CGNL1: variants seen among roughly 807,000 people sequenced by gnomAD.
The protein encoded by CGNL1 is cingulin like 1.
A neutral mutation model predicts 141.2 loss-of-function variants in CGNL1; 132 were observed. That is an observed-to-expected ratio of 0.93 (90% CI 0.81 to 1.08). CGNL1 has a LOEUF of 1.08. Among genes scored for constraint, CGNL1 ranks in the 50% least tolerant of loss-of-function variants. The pLI is 0.00. For synonymous variants in CGNL1, 690 were observed against 622.1 expected, an observed-to-expected ratio of 1.11 and a Z score of -1.63; for missense variants, 1,870 against 1,588.6, an observed-to-expected ratio of 1.18 and a Z score of -3.01.
chr15:57,445,367 C>T (rs1467459317), intron 4 of CGNL1, among the ~76,000 whole-genome samples: 5 of 152,192 alleles, frequency 3.3e-5, no homozygotes, highest in South Asian at 2.1e-4. Flanking sequence ...TTAATTGCCA[C>T]GTTTTCCTAC....
chr15:57,528,633 C>T, intron 12 of CGNL1, 21 bp from the exon 13 acceptor site: 4 of 1,613,110 alleles, frequency 2.5e-6, no homozygotes, highest in Non-Finnish European at 3.4e-6. Flanking sequence ...AGAAAACCAT[C>T]CCAGCTGTCT....
intron 1 of CGNL1, among the ~76,000 whole-genome samples, chr15:57,434,843 AT>A (rs1445062226): frequency 1.3e-5 from 2 of 152,126 alleles, no homozygotes; most frequent in Non-Finnish European, 2.9e-5. Flanking sequence ...AAGGAGTCAA[AT>A]TTTTTTTCCA....
At position 57,547,356 on chromosome 15, in the gene CGNL1, C is replaced by T; in HGVS notation, c.3775C>T (p.Leu1259=). 6.2e-7 allele frequency: 1 copy of T among 1,614,072 alleles called. No homozygotes were observed. The highest frequency in any genetic ancestry group is 8.5e-7 in the Non-Finnish European group (1 of 1,179,974). ...ACATGCCCCTTGTCATTTCAGCAGA[C>T]TGAAGAAGCTGCCGAGTAAAGTGCT... The part of the protein sequence containing the change: ...QLNSMKKDLR[L]KKLPSKVLDD... The change falls in exon 19 of 19, where the codon CTG becomes TTG. Residue 1259 remains leucine (L), a splice_region_variant and synonymous_variant. Transcript: ENST00000281282.
chr15:57,387,656 C>T (rs2062498452), intron 1 of CGNL1, among the ~76,000 whole-genome samples: 1 of 152,162 alleles, frequency 6.6e-6, no homozygotes, highest in African/African-American at 2.4e-5. Flanking sequence ...CCCTTTTATT[C>T]ATCAGTTTAA....
At chr15:57,475,511 G>A (rs888345340) in intron 8 of CGNL1, among the ~76,000 whole-genome samples, 1 of 114,172 alleles carries the variant, frequency 8.8e-6, no homozygotes, top group South Asian at 4.3e-4. Flanking sequence ...GTGTGTGTGT[G>A]TGTGTGTGTG....
rs1706343 is a variant in CGNL1 at position 57,378,079 on chromosome 15, T to C, written c.-16+1512T>C. Among the ~76,000 whole-genome samples, 1,507 of 152,276 alleles carry C rather than the reference T, an allele frequency of 9.9e-3. 32 individuals carry two copies. The highest frequency in any genetic ancestry group is 0.034 in the African/African-American group (1,431 of 41,542). ...AGAACACAGTGTATAACATGGCACA[T>C]CTGAGATGACACCTGAGACACCTGT... On this transcript the variant is annotated intron_variant, in intron 1 of 18. Transcript: ENST00000281282.
At chr15:57,453,418 T>C (rs148654531) in intron 6 of CGNL1, among the ~76,000 whole-genome samples, 208 of 152,282 alleles carry the variant, frequency 1.4e-3, no homozygotes, top group Non-Finnish European at 2.5e-3. Flanking sequence ...CCATCTCCTT[T>C]TGGGGAGAAA....
rs72168222 is a variant in CGNL1, at chr15:57,475,492, GGTGTGTGTGTGTGTGTGTGT to G, written c.2403+13625_2403+13644del. On this transcript the variant is annotated intron_variant, in intron 8 of 18. Transcript: ENST00000281282. ...CTGGGATCTATGTATATACAAGTGT[GGTGTGTGTGTGTGTGTGTGT>G]GTGTGTGTGTGTGTGTGTGTGTGTT... is the stretch of plus-strand genomic sequence containing the variant. Among the ~76,000 whole-genome samples, 8 of 147,902 alleles carry G rather than the reference GGTGTGTGTGTGTGTGTGTGT, an allele frequency of 5.4e-5. No individual in the cohort carries two copies. The South Asian group carries it at 6.5e-4, about 12-fold the overall frequency.
intron 4 of CGNL1, among the ~76,000 whole-genome samples, chr15:57,449,099 T>TGGAAC (rs1441041423): frequency 4.6e-5 from 7 of 152,240 alleles, no homozygotes; most frequent in African/African-American, 1.7e-4. Flanking sequence ...TTGGTTGAGT[T>TGGAAC]GGAACCCTAG....
intron 1 of CGNL1, among the ~76,000 whole-genome samples, chr15:57,384,023 C>G (rs1186413639): frequency 3.1e-5 from 4 of 129,338 alleles, no homozygotes; most frequent in Non-Finnish European, 6.3e-5. Context: ...TAGCTCAGCC[C>G]TAACAGTCTG....
At chr15:57,421,831 G>A (rs528876835) in intron 1 of CGNL1, among the ~76,000 whole-genome samples, 2 of 152,226 alleles carry the variant, frequency 1.3e-5, no homozygotes, top group African/African-American at 4.8e-5. Flanking sequence ...GACAGCAGCA[G>A]GGTCCTGCCT....
intron 14 of CGNL1, among the ~76,000 whole-genome samples, chr15:57,541,314 C>T (rs914935098): frequency 6.6e-6 from 1 of 152,232 alleles, no homozygotes; most frequent in Non-Finnish European, 1.5e-5. Flanking sequence ...AACGGCTGCC[C>T]CTGGGAGGCA....
At chr15:57,482,244 A>G (rs2063735488) in intron 8 of CGNL1, among the ~76,000 whole-genome samples, 1 of 152,226 alleles carries the variant, frequency 6.6e-6, no homozygotes, top group Non-Finnish European at 1.5e-5. Flanking sequence ...AAAACAAAAC[A>G]AAAAACCTTT....
intron 13 of CGNL1, among the ~76,000 whole-genome samples, chr15:57,530,909 A>T (rs1300539316): frequency 1.3e-5 from 2 of 152,232 alleles, no homozygotes; most frequent in Non-Finnish European, 2.9e-5. Flanking sequence ...TTGGAATGCC[A>T]ATTGCTTTTT....
intron 1 of CGNL1, among the ~76,000 whole-genome samples, chr15:57,437,699 TACGCCAAAAGTGTC>T (rs533710045): frequency 3.4e-4 from 46 of 133,500 alleles, no homozygotes; most frequent in Admixed American, 3.3e-3. Context: ...ATAATGAAGC[TACGCCAAAAGTGTC>T]AGGTCATTAC....
At chr15:57,464,600 G>C (rs2063486501) in intron 8 of CGNL1, among the ~76,000 whole-genome samples, 1 of 151,698 alleles carries the variant, frequency 6.6e-6, no homozygotes, top group Non-Finnish European at 1.5e-5. Context: ...TGATGTGGGA[G>C]GTCTTTTTGG....
intron 1 of CGNL1, among the ~76,000 whole-genome samples, chr15:57,392,334 G>A (rs2152233327): frequency 6.6e-6 from 1 of 152,272 alleles, no homozygotes; most frequent in Non-Finnish European, 1.5e-5. Context: ...GATCAGCCTA[G>A]AGGGAGGTTG....
chr15:57,544,522 C>A lies in CGNL1; in HGVS notation c.3425C>A (p.Ser1142Tyr), dbSNP rs752570582. The part of the protein sequence containing the change: ...RIIHLEGSYR[S>Y]SKEGLVVQME... ...ATCCACCTGGAAGGTTCCTACAGGT[C>A]CAGCAAAGAGGGGCTGGTTGTGCAG... Residue 1142 changes from serine (S) to tyrosine (Y), a missense_variant, in exon 16 of 19, where the codon TCC (serine) becomes TAC (tyrosine). Transcript: ENST00000281282. 3.7e-6 allele frequency: 6 copies of A among 1,613,228 alleles called. No individual in the cohort carries two copies. In the South Asian group the frequency reaches 5.5e-5, roughly 15 times the overall value.
At chr15:57,409,099 G>T (rs149184718) in intron 1 of CGNL1, among the ~76,000 whole-genome samples, 22 of 148,098 alleles carry the variant, frequency 1.5e-4, no homozygotes, top group Admixed American at 8.8e-4. Context: ...CTACCCTCAG[G>T]CATGTGTGCA....
Sources: gnomAD v4.1 joint callset for allele counts (sites outside exome capture counted in the v4.1 genomes callset) on GRCh38, gnomAD v4.1.1 for gene constraint, MANE v1.5 for transcripts, NCBI Gene and HGNC (gene_info 2026-07-23, HGNC 2026-07-21) for gene names.